Variants in CHRM2 observed in about 807,000 individuals in gnomAD.
CHRM2 encodes muscarinic acetylcholine receptor M2.
CHRM2 carries 8 observed loss-of-function variants against 25.0 expected under a neutral mutation model. That is an observed-to-expected ratio of 0.32 (90% CI 0.19 to 0.58). The LOEUF (loss-of-function observed/expected upper bound fraction) is 0.58, where lower values mean the gene tolerates loss of function less well. CHRM2 is among the 20% of genes least tolerant of loss of function. CHRM2 has a pLI of 0.88. For missense variants in CHRM2, 440 were observed against 567.1 expected, an observed-to-expected ratio of 0.78 and a Z score of 2.28; for synonymous variants, 202 against 205.7, an observed-to-expected ratio of 0.98 and a Z score of 0.15.
chr7:136,928,687 T>A (rs1798882274), intron 2 of CHRM2, among the ~76,000 whole-genome samples: 2 of 152,184 alleles, frequency 1.3e-5, no homozygotes, highest in Admixed American at 1.3e-4. Flanking sequence ...GCAAAGGAGC[T>A]GCAGCTATAC....
chr7:136,945,701 G>A (rs1205228435), intron 2 of CHRM2, among the ~76,000 whole-genome samples: 1 of 151,932 alleles, frequency 6.6e-6, no homozygotes, highest in Non-Finnish European at 1.5e-5. Flanking sequence ...TTGGCTATGC[G>A]GGCTCTTCTT....
At chr7:136,898,037 C>G (rs1484174879) in intron 2 of CHRM2, among the ~76,000 whole-genome samples, 2 of 152,122 alleles carry the variant, frequency 1.3e-5, no homozygotes, top group African/African-American at 4.8e-5. Context: ...AATGGCCACA[C>G]AGTGATGGCA....
At chr7:136,923,331 T>G (rs1421458564) in intron 2 of CHRM2, among the ~76,000 whole-genome samples, 2 of 151,674 alleles carry the variant, frequency 1.3e-5, no homozygotes, top group African/African-American at 4.8e-5. Context: ...TGTGTTCTGG[T>G]GACCACAATA....
intron 2 of CHRM2, among the ~76,000 whole-genome samples, chr7:136,967,560 TGTTAA>T (rs1228007650): frequency 1.3e-5 from 2 of 152,102 alleles, no homozygotes; most frequent in African/African-American, 2.4e-5. Flanking sequence ...TTGAGTATTT[TGTTAA>T]GTTGATTGCA....
At chr7:136,918,628 G>A (rs551178244) in intron 2 of CHRM2, among the ~76,000 whole-genome samples, 46 of 151,942 alleles carry the variant, frequency 3.0e-4, no homozygotes, top group African/African-American at 8.2e-4. Context: ...GTGTCCCTAC[G>A]TTGCTCAGGT....
chr7:136,927,554 T>G (rs947490906), intron 2 of CHRM2, among the ~76,000 whole-genome samples: 2 of 152,160 alleles, frequency 1.3e-5, no homozygotes, highest in African/African-American at 4.8e-5. Flanking sequence ...TTAAGTAAAT[T>G]GTACTCTTAC....
chr7:136,938,152 T>G (rs1176211971), intron 2 of CHRM2: 17 of 669,514 alleles, frequency 2.5e-5, no homozygotes, highest in Non-Finnish European at 4.3e-5. Context: ...TGTCAGGATC[T>G]GAATACTATC....
intron 2 of CHRM2, among the ~76,000 whole-genome samples, chr7:136,915,135 C>T (rs890842755): frequency 2.6e-5 from 4 of 151,728 alleles, no homozygotes; most frequent in Non-Finnish European, 5.9e-5. Context: ...AAGAAATGTA[C>T]TTCAGGATTA....
At chr7:136,882,478 T>G (rs1034531601) in intron 2 of CHRM2, among the ~76,000 whole-genome samples, 6 of 151,632 alleles carry the variant, frequency 4.0e-5, no homozygotes, top group African/African-American at 1.5e-4. Flanking sequence ...ATTTGATGCC[T>G]GCCTCTATTC....
At chr7:137,005,791 A>G in intron 3 of CHRM2, among the ~76,000 whole-genome samples, 1 of 152,166 alleles carries the variant, frequency 6.6e-6, no homozygotes, top group East Asian at 1.9e-4. Context: ...AATTTGATTC[A>G]CATTTTTAAT....
At chr7:136,903,005 A>G in intron 2 of CHRM2, 1 of 450,668 alleles carries the variant, frequency 2.2e-6, no homozygotes, top group East Asian at 5.9e-5. Flanking sequence ...TCTGGAAAGT[A>G]TACATTATGG....
chr7:136,888,202 G>C (rs1461062397), intron 2 of CHRM2, among the ~76,000 whole-genome samples: 1 of 152,152 alleles, frequency 6.6e-6, no homozygotes, highest in African/African-American at 2.4e-5. Flanking sequence ...CATGCCCATC[G>C]AGTCGTAGCT....
chr7:136,990,720 G>T (rs1803167810), intron 2 of CHRM2, among the ~76,000 whole-genome samples: 1 of 152,022 alleles, frequency 6.6e-6, no homozygotes, highest in Non-Finnish European at 1.5e-5. Flanking sequence ...TAACTTATTT[G>T]GGTAAACATC....
At chr7:137,005,452 G>C (rs1804360155) in intron 3 of CHRM2, among the ~76,000 whole-genome samples, 1 of 151,744 alleles carries the variant, frequency 6.6e-6, no homozygotes. Context: ...TCACTTCTAT[G>C]TGCACCTCCT....
At chr7:136,877,789 CT>C (rs1330473440) in intron 2 of CHRM2, among the ~76,000 whole-genome samples, 1 of 151,970 alleles carries the variant, frequency 6.6e-6, no homozygotes, top group African/African-American at 2.4e-5. Flanking sequence ...GCTGATGATT[CT>C]TCTGTTTGAA....
At chr7:136,972,171 C>T (rs1459488063) in intron 2 of CHRM2, among the ~76,000 whole-genome samples, 2 of 151,762 alleles carry the variant, frequency 1.3e-5, no homozygotes, top group African/African-American at 4.8e-5. Flanking sequence ...CAGTAAAGGC[C>T]ATCTTTCAGA....
chr7:136,904,300 A>T (rs973930531), intron 2 of CHRM2, among the ~76,000 whole-genome samples: 3 of 151,880 alleles, frequency 2.0e-5, no homozygotes, highest in Non-Finnish European at 4.4e-5. Flanking sequence ...TTTTTACAAC[A>T]GTTTTAAAAA....
chr7:136,960,354 A>G (rs912474296), intron 2 of CHRM2, among the ~76,000 whole-genome samples: 2 of 152,216 alleles, frequency 1.3e-5, no homozygotes, highest in African/African-American at 4.8e-5. Flanking sequence ...CTGCAAGGGG[A>G]TGTTTGGCTT....
chr7:137,014,883 C>A lies in CHRM2; in HGVS notation c.18C>A (p.Asn6Lys), dbSNP rs374779439. 1.6e-5 allele frequency: 26 copies of A among 1,612,954 alleles called. No homozygotes were observed. The highest frequency in any genetic ancestry group is 2.0e-5 in the Non-Finnish European group (24 of 1,179,444). Residue 6 changes from asparagine to lysine, a missense_variant, in exon 4 of 4, where the codon AAC becomes AAA. Coordinates refer to ENST00000680005, the MANE Select transcript of CHRM2 (RefSeq NM_001006630.2). The part of the protein sequence containing the change: MNNST[N>K]SSNNSLALTS... ...AACGCAAAATGAATAACTCAACAAA[C>A]TCCTCTAACAATAGCCTGGCTCTTA...
Sources: gnomAD v4.1 joint callset for allele counts (sites outside exome capture counted in the v4.1 genomes callset) on GRCh38, gnomAD v4.1.1 for gene constraint, MANE v1.5 for transcripts, NCBI Gene and HGNC (gene_info 2026-07-23, HGNC 2026-07-21) for gene names.